The following KREMEN1 variants were observed in gnomAD, a reference collection of about 807,000 sequenced individuals.
The protein encoded by KREMEN1 is kringle containing transmembrane protein 1.
KREMEN1 carries 30 observed loss-of-function variants against 46.5 expected under a neutral mutation model. The observed-to-expected ratio is 0.65, with a 90% confidence interval of 0.48 to 0.88. The LOEUF (loss-of-function observed/expected upper bound fraction) is 0.88, where lower values mean the gene tolerates loss of function less well. KREMEN1 is among the 40% of genes least tolerant of loss of function. The pLI is 0.00. For synonymous variants in KREMEN1, 214 were observed against 230.6 expected (o/e 0.93, Z 0.65); for missense variants, 533 against 596.9 (o/e 0.89, Z 1.11).
At chr22:29,135,945 A>T (rs1229113692) in intron 5 of KREMEN1, among the ~76,000 whole-genome samples, 1 of 152,086 alleles carries the variant, frequency 6.6e-6, no homozygotes, top group African/African-American at 2.4e-5. Flanking sequence ...GTTTTGAGAC[A>T]GAGCCTCACT....
In KREMEN1 at chr22:29,144,352, G is replaced by A. The variant is rs2038819235; in HGVS notation, c.*2240G>A. On this transcript the variant is annotated 3_prime_UTR_variant, in exon 9 of 9. Transcript: ENST00000400335. ...TCAGGAGAGGTGCTTGGAGCTTCAG[G>A]CAGAGGGGCCTTCAGAGGAGGGAAA... 2 of 985,684 alleles carry A rather than the reference G, an allele frequency of 2.0e-6. No homozygotes were observed. The highest frequency in any genetic ancestry group is 1.2e-6 in the Non-Finnish European group (1 of 830,210). 61.1% of individuals were successfully genotyped at this position (985,684 alleles called of 1,614,324 possible). A position where few individuals can be genotyped will look rare whatever the true frequency, so the allele number is the denominator to read the frequency against.
intron 1 of KREMEN1, among the ~76,000 whole-genome samples, chr22:29,093,687 G>A (rs935306595): frequency 6.6e-6 from 1 of 152,182 alleles, no homozygotes; most frequent in Non-Finnish European, 1.5e-5. Flanking sequence ...CAAACAGCAT[G>A]GGGAGGACTG....
chr22:29,091,491 T>C (rs1338308130), intron 1 of KREMEN1, among the ~76,000 whole-genome samples: 1 of 152,258 alleles, frequency 6.6e-6, no homozygotes, highest in African/African-American at 2.4e-5. Flanking sequence ...TACAGTATGA[T>C]GTTTTGATGT....
intron 2 of KREMEN1, among the ~76,000 whole-genome samples, chr22:29,097,717 A>G (rs1348497997): frequency 6.6e-6 from 1 of 151,984 alleles, no homozygotes; most frequent in East Asian, 1.9e-4. Context: ...TGGAGTATTC[A>G]CTATAGAGGA....
At chr22:29,117,315 C>T (rs1467689370) in intron 3 of KREMEN1, among the ~76,000 whole-genome samples, 1 of 152,178 alleles carries the variant, frequency 6.6e-6, no homozygotes, top group Non-Finnish European at 1.5e-5. Context: ...CGCCTGTAAT[C>T]CCAGCACTTT....
chr22:29,151,425 T>C (rs1456810350), downstream of KREMEN1, among the ~76,000 whole-genome samples: 3 of 152,198 alleles, frequency 2.0e-5, no homozygotes, highest in Non-Finnish European at 4.4e-5. Context: ...CATTTTAGAC[T>C]TTGCAGGCTA....
At chr22:29,150,066 T>C (rs2038903237), downstream of KREMEN1, among the ~76,000 whole-genome samples, 1 of 152,200 alleles carries the variant, frequency 6.6e-6, no homozygotes, top group Non-Finnish European at 1.5e-5. Flanking sequence ...TGGGGGATTG[T>C]TTTCGCTCAG....
At chr22:29,136,321 C>T (rs1196186260) in intron 5 of KREMEN1, among the ~76,000 whole-genome samples, 1 of 151,708 alleles carries the variant, frequency 6.6e-6, no homozygotes, top group Non-Finnish European at 1.5e-5. Flanking sequence ...TGCCTATAAT[C>T]CCAGCACTTT....
At chr22:29,080,687 G>C (rs2037639308) in intron 1 of KREMEN1, among the ~76,000 whole-genome samples, 1 of 152,122 alleles carries the variant, frequency 6.6e-6, no homozygotes, top group Admixed American at 6.6e-5. Flanking sequence ...CTGTTTATTT[G>C]ACCATTTCTT....
intron 1 of KREMEN1, among the ~76,000 whole-genome samples, chr22:29,080,759 A>C (rs2037640181): frequency 6.6e-6 from 1 of 152,050 alleles, no homozygotes; most frequent in Non-Finnish European, 1.5e-5. Flanking sequence ...CAATACTTGG[A>C]GACATTTTGG....
chr22:29,112,901 C>T (rs190803836), intron 3 of KREMEN1, among the ~76,000 whole-genome samples: 226 of 152,302 alleles, frequency 1.5e-3, no homozygotes, highest in African/African-American at 5.2e-3. Flanking sequence ...AGCAACATGA[C>T]GTGTCTTCTC....
intron 1 of KREMEN1, among the ~76,000 whole-genome samples, chr22:29,090,109 G>A (rs2037784555): frequency 6.6e-6 from 1 of 152,152 alleles, no homozygotes; most frequent in Admixed American, 6.5e-5. Flanking sequence ...ACAGTGCCAG[G>A]CACATAGTAT....
chr22:29,105,460 T>C (rs8142699), intron 3 of KREMEN1, among the ~76,000 whole-genome samples: 4,552 of 127,260 alleles, frequency 0.036, 201 homozygotes, highest in African/African-American at 0.11. Context: ...AGCGTGCGTG[T>C]GCGCACACAC....
intron 5 of KREMEN1, among the ~76,000 whole-genome samples, chr22:29,131,528 A>C (rs1355554278): frequency 8.4e-5 from 1 of 11,946 alleles, no homozygotes; most frequent in African/African-American, 2.1e-4. Flanking sequence ...CTGTTCATAT[A>C]TATATATATA....
intron 4 of KREMEN1, among the ~76,000 whole-genome samples, chr22:29,123,837 A>G (rs1212159298): frequency 6.6e-6 from 1 of 152,196 alleles, no homozygotes; most frequent in African/African-American, 2.4e-5. Flanking sequence ...AGTCGACATC[A>G]TTAGCCATTA....
intron 2 of KREMEN1, among the ~76,000 whole-genome samples, chr22:29,095,559 G>C (rs965658505): frequency 6.6e-6 from 1 of 152,178 alleles, no homozygotes; most frequent in Non-Finnish European, 1.5e-5. Context: ...GAGCTACTGG[G>C]ACAGGGAAAA....
At position 29,145,836 on chromosome 22, in the gene KREMEN1, C is replaced by T. The variant is rs2038850458; in HGVS notation, c.*3724C>T. ...GGCCAGAAGCCCACAGAGATCAAAG[C>T]ACTAGCAAGTTCAGCTGTCCTGGCC... On this transcript the variant is annotated 3_prime_UTR_variant, in exon 9 of 9. Transcript: ENST00000400335. 1.0e-6 allele frequency: 1 copy of T among 985,482 alleles called. No homozygotes were observed. Among genetic ancestry groups the T allele is most frequent in the South Asian group, 4.7e-5 (1 of 21,294 alleles). 61.0% of individuals were successfully genotyped at this position (985,482 alleles called of 1,614,324 possible). A position where few individuals can be genotyped will look rare whatever the true frequency, so the allele number is the denominator to read the frequency against.
intron 8 of KREMEN1, among the ~76,000 whole-genome samples, chr22:29,141,299 C>CTG (rs59151956): frequency 0.17 from 24,492 of 146,106 alleles, 2,128 homozygotes; most frequent in Non-Finnish European, 0.18. Context: ...GTGTGTGTGT[C>CTG]TGTGTGTGTG....
At chr22:29,167,230 A>G (rs2039060457) in exon 10 of KREMEN1, 2 of 792,650 alleles carry the variant, frequency 2.5e-6, no homozygotes, top group South Asian at 1.6e-5. Context: ...GTGGTGGTTC[A>G]TGCCTGTAAT....
Sources: allele counts gnomAD v4.1 joint callset (sites outside exome capture counted in the v4.1 genomes callset), GRCh38; gene constraint gnomAD v4.1.1; transcripts MANE v1.5; gene names NCBI Gene and HGNC (gene_info 2026-07-23, HGNC 2026-07-21).